Variants in DOK6 observed in about 807,000 individuals in gnomAD.
The protein encoded by DOK6 is downstream of tyrosine kinase 6.
In DOK6, 22 loss-of-function variants were observed where a neutral mutation model predicts 44.0. That is an observed-to-expected ratio of 0.50 (90% CI 0.36 to 0.71). The LOEUF (loss-of-function observed/expected upper bound fraction) is 0.71. Ranked by LOEUF, DOK6 falls within the 30% of genes least tolerant of loss-of-function variation. The probability of loss-of-function intolerance (pLI) is 0.00; values close to 1 mark genes in which losing one functional copy is unlikely to be tolerated. For synonymous variants in DOK6, 166 were observed against 145.5 expected (o/e 1.14, Z -1.01); for missense variants, 340 against 416.4 (o/e 0.82, Z 1.60).
At chr18:69,735,709 C>G (rs145592817) in intron 5 of DOK6, among the ~76,000 whole-genome samples, 23 of 152,172 alleles carry the variant, frequency 1.5e-4, no homozygotes, top group African/African-American at 5.3e-4. Flanking sequence ...CAGGCATCCC[C>G]GCTAGGCTGT....
At chr18:69,576,266 C>T (rs1321566624) in intron 2 of DOK6, among the ~76,000 whole-genome samples, 1 of 151,534 alleles carries the variant, frequency 6.6e-6, no homozygotes, top group Non-Finnish European at 1.5e-5. Context: ...GAGAAATAGA[C>T]TAGTGTGGAT....
intron 1 of DOK6, among the ~76,000 whole-genome samples, chr18:69,542,324 A>T (rs1982291175): frequency 6.6e-6 from 1 of 151,416 alleles, no homozygotes; most frequent in Non-Finnish European, 1.5e-5. Context: ...GCCTGCCTTG[A>T]TGGATTTGGG....
At chr18:69,525,631 A>T (rs1981808187) in intron 1 of DOK6, among the ~76,000 whole-genome samples, 1 of 152,000 alleles carries the variant, frequency 6.6e-6, no homozygotes, top group Non-Finnish European at 1.5e-5. Flanking sequence ...CTCCCTGTGA[A>T]TGGGAAATTT....
chr18:69,670,108 C>A (rs879316042), intron 3 of DOK6, among the ~76,000 whole-genome samples: 15 of 151,934 alleles, frequency 9.9e-5, no homozygotes, highest in Non-Finnish European at 1.9e-4. Flanking sequence ...TTATTGTTAT[C>A]AATTTGATTT....
intron 3 of DOK6, among the ~76,000 whole-genome samples, chr18:69,676,179 T>C (rs1985918287): frequency 6.6e-6 from 1 of 152,238 alleles, no homozygotes; most frequent in Non-Finnish European, 1.5e-5. Context: ...ATGCAAACTG[T>C]ACTTTCGTAA....
intron 1 of DOK6, among the ~76,000 whole-genome samples, chr18:69,445,852 A>C (rs1979271655): frequency 1.3e-5 from 2 of 152,130 alleles, no homozygotes; most frequent in African/African-American, 4.8e-5. Flanking sequence ...CATCATTGCA[A>C]TCTAGCCTTG....
At chr18:69,707,277 T>C (rs111231828) in intron 5 of DOK6, among the ~76,000 whole-genome samples, 10,313 of 152,238 alleles carry the variant, frequency 0.068, 471 homozygotes, top group Admixed American at 0.13. Context: ...AATTTATAGA[T>C]TCAATGCCAT....
intron 1 of DOK6, among the ~76,000 whole-genome samples, chr18:69,427,942 T>A (rs1978689592): frequency 6.6e-6 from 1 of 152,098 alleles, no homozygotes; most frequent in Non-Finnish European, 1.5e-5. Flanking sequence ...CACACCCAGC[T>A]AATTTTTGTA....
chr18:69,509,601 G>A (rs1244781026), intron 1 of DOK6, among the ~76,000 whole-genome samples: 8 of 127,986 alleles, frequency 6.3e-5, no homozygotes, highest in Non-Finnish European at 9.2e-5. Flanking sequence ...TCGCGCCGCT[G>A]CACTCCAGCC....
At chr18:69,478,017 CTTTCT>C (rs780724016) in intron 1 of DOK6, among the ~76,000 whole-genome samples, 56 of 152,120 alleles carry the variant, frequency 3.7e-4, no homozygotes, top group Non-Finnish European at 7.6e-4. Flanking sequence ...CTTATATTGT[CTTTCT>C]TTTAAGATAC....
intron 3 of DOK6, among the ~76,000 whole-genome samples, chr18:69,605,361 A>C (rs1027468012): frequency 2.6e-5 from 4 of 152,108 alleles, no homozygotes; most frequent in African/African-American, 9.7e-5. Context: ...GGTACTTTGA[A>C]CCTCAGCACA....
intron 1 of DOK6, among the ~76,000 whole-genome samples, chr18:69,444,882 T>A (rs1278221876): frequency 6.6e-6 from 1 of 152,172 alleles, no homozygotes; most frequent in Non-Finnish European, 1.5e-5. Flanking sequence ...TCTCTTTTTT[T>A]AATGGAAATT....
chr18:69,406,036 G>T (rs1164175814), intron 1 of DOK6, among the ~76,000 whole-genome samples: 2 of 152,088 alleles, frequency 1.3e-5, no homozygotes, highest in Non-Finnish European at 2.9e-5. Flanking sequence ...TACTAATTTA[G>T]CAGATGACAA....
chr18:69,528,638 A>G (rs1399548294), intron 1 of DOK6, among the ~76,000 whole-genome samples: 1 of 152,232 alleles, frequency 6.6e-6, no homozygotes, highest in Non-Finnish European at 1.5e-5. Context: ...GTACTTATTT[A>G]GGCTTTCTGT....
intron 7 of DOK6, among the ~76,000 whole-genome samples, chr18:69,839,280 C>T (rs1286842026): frequency 6.7e-6 from 1 of 149,870 alleles, no homozygotes; most frequent in Non-Finnish European, 1.5e-5. Context: ...CCCCTAACTC[C>T]TCCCTAGCAC....
chr18:69,404,664 CAG>C (rs1350265624), intron 1 of DOK6, among the ~76,000 whole-genome samples: 1 of 152,054 alleles, frequency 6.6e-6, no homozygotes, highest in Non-Finnish European at 1.5e-5. Flanking sequence ...TGACTATTCA[CAG>C]ACACATTGTA....
intron 3 of DOK6, among the ~76,000 whole-genome samples, chr18:69,656,590 A>T (rs1340705975): frequency 6.6e-6 from 1 of 152,216 alleles, no homozygotes; most frequent in Admixed American, 6.5e-5. Context: ...ATAAGTCAAA[A>T]AGTTGCTAAA....
intron 3 of DOK6, among the ~76,000 whole-genome samples, chr18:69,617,623 AAGAG>A (rs778848813): frequency 2.0e-5 from 3 of 150,676 alleles, no homozygotes; most frequent in African/African-American, 4.9e-5. Context: ...AAAAGAAAGA[AAGAG>A]GGAGGGAGGA....
intron 1 of DOK6, among the ~76,000 whole-genome samples, chr18:69,464,760 A>C (rs1363054031): frequency 2.0e-5 from 3 of 152,238 alleles, no homozygotes; most frequent in African/African-American, 7.2e-5. Flanking sequence ...AATGTATTTA[A>C]AGATCTAGAA....
Sources: gnomAD v4.1 joint callset for allele counts (sites outside exome capture counted in the v4.1 genomes callset) on GRCh38, gnomAD v4.1.1 for gene constraint, MANE v1.5 for transcripts, NCBI Gene and HGNC (gene_info 2026-07-23, HGNC 2026-07-21) for gene names.